The following RAB10 variants were observed in gnomAD, a reference collection of about 807,000 sequenced individuals.
The protein encoded by RAB10 is ras-related protein Rab-10.
In RAB10, 5 loss-of-function variants were observed where a neutral mutation model predicts 25.7. The observed-to-expected ratio is 0.19, with a 90% CI of 0.10 to 0.41. The LOEUF (loss-of-function observed/expected upper bound fraction) is 0.41. RAB10 is among the 10% of genes least tolerant of loss of function. RAB10 has a pLI of 1.00. For synonymous variants in RAB10, 89 were observed against 86.4 expected (o/e 1.03, Z -0.16); for missense variants, 103 against 245.8 (o/e 0.42, Z 3.89).
intron 1 of RAB10, among the ~76,000 whole-genome samples, chr2:26,068,121 A>AT (rs1666551114): frequency 6.6e-6 from 1 of 152,210 alleles, no homozygotes; most frequent in East Asian, 1.9e-4. Context: ...TACATGAGAT[A>AT]TGATTAGAAG....
intron 2 of RAB10, among the ~76,000 whole-genome samples, chr2:26,099,563 T>C (rs1299868663): frequency 9.2e-6 from 1 of 108,152 alleles, no homozygotes; most frequent in African/African-American, 3.7e-5. Flanking sequence ...TTTTTTGAGG[T>C]GGAGTCTCGC....
intron 1 of RAB10, among the ~76,000 whole-genome samples, chr2:26,038,321 T>C (rs1259323163): frequency 6.6e-6 from 1 of 151,330 alleles, no homozygotes; most frequent in Non-Finnish European, 1.5e-5. Flanking sequence ...CTCAGCCTCC[T>C]GAGTAGCTGG....
chr2:26,082,950 CA>C (rs1666899835), intron 1 of RAB10, among the ~76,000 whole-genome samples: 1 of 152,066 alleles, frequency 6.6e-6, no homozygotes, highest in African/African-American at 2.4e-5. Flanking sequence ...CATTTAAAAT[CA>C]AAGTAATTAG....
chr2:26,115,462 C>T (rs1667663667), intron 3 of RAB10, among the ~76,000 whole-genome samples: 1 of 152,108 alleles, frequency 6.6e-6, no homozygotes, highest in Admixed American at 6.5e-5. Context: ...ACCTTGAAAA[C>T]CTTATGAAAG....
intron 3 of RAB10, among the ~76,000 whole-genome samples, 160 bp downstream of exon 3, chr2:26,110,066 G>A (rs1667538922): frequency 6.6e-6 from 1 of 152,124 alleles, no homozygotes; most frequent in Admixed American, 6.6e-5. Context: ...GCCGGGCATG[G>A]TGGCTCATGC....
In RAB10 at chr2:26,136,557, C is replaced by T. The variant is rs986186440; in HGVS notation, c.*1536C>T. On this transcript the variant is annotated 3_prime_UTR_variant, in exon 6 of 6. Transcript: ENST00000264710. ...TTTCTAGTTTTGCTTCATTGCTTATCATTAGGATAGGGTAAGTGAAGTTTG... is the reference window on the plus strand; with the variant it reads ...TTTCTAGTTTTGCTTCATTGCTTATTATTAGGATAGGGTAAGTGAAGTTTG... 3.3e-5 allele frequency: 5 copies of T among 152,596 alleles called. No homozygotes were observed. Among genetic ancestry groups the T allele is most frequent in the South Asian group, 2.1e-4 (1 of 4,832 alleles). 9.5% of individuals were successfully genotyped at this position (152,596 alleles called of 1,614,324 possible).
chr2:26,041,103 A>G (rs1413919329), intron 1 of RAB10, among the ~76,000 whole-genome samples: 1 of 152,132 alleles, frequency 6.6e-6, no homozygotes, highest in African/African-American at 2.4e-5. Flanking sequence ...GTGCACCATA[A>G]ATAATGAATG....
chr2:26,131,379 A>T (rs147426798), intron 5 of RAB10, among the ~76,000 whole-genome samples: 1 of 152,188 alleles, frequency 6.6e-6, no homozygotes, highest in Non-Finnish European at 1.5e-5. Context: ...AACTTGGTCT[A>T]GAGTTTTCCC....
At chr2:26,126,128 G>A (rs1667898913) in intron 3 of RAB10, among the ~76,000 whole-genome samples, 1 of 152,106 alleles carries the variant, frequency 6.6e-6, no homozygotes, top group African/African-American at 2.4e-5. Context: ...TTTCCCTATT[G>A]ACTGATTTTG....
intron 1 of RAB10, among the ~76,000 whole-genome samples, chr2:26,045,141 A>G (rs976192011): frequency 2.0e-5 from 3 of 152,106 alleles, no homozygotes; most frequent in Admixed American, 1.3e-4. Flanking sequence ...ATTGTGGTGT[A>G]TAATGACGCA....
chr2:26,094,226 C>CTATTTCATTT (rs59268489), intron 1 of RAB10, among the ~76,000 whole-genome samples: 1 of 151,336 alleles, frequency 6.6e-6, no homozygotes, highest in Non-Finnish European at 1.5e-5. Context: ...CTTATTTCAT[C>CTATTTCATTT]CATTTCATTT....
chr2:26,067,668 A>G (rs1666541511), intron 1 of RAB10, among the ~76,000 whole-genome samples: 1 of 152,234 alleles, frequency 6.6e-6, no homozygotes, highest in Non-Finnish European at 1.5e-5. Flanking sequence ...GGGTTAAGAA[A>G]AGAGGCAGAC....
In RAB10 at chr2:26,034,485, C is replaced by G; in HGVS notation, c.-124C>G. The G allele has an allele frequency of 2.9e-6, 4 of 1,359,520 alleles. No individual in the cohort carries two copies. The highest frequency in any genetic ancestry group is 4.0e-6 in the Non-Finnish European group (4 of 1,001,372). 84.2% of individuals were successfully genotyped at this position (1,359,520 alleles called of 1,614,324 possible). A position where few individuals can be genotyped will look rare whatever the true frequency, so the allele number is the denominator to read the frequency against. ...TGTTCGTAGGTCGCCCGCGCCGTCT[C>G]GAGCCTTTTTCCCACGCTTCCCCGG... On this transcript the variant is annotated 5_prime_UTR_variant, in exon 1 of 6. Coordinates refer to ENST00000264710, the MANE Select transcript of RAB10 (RefSeq NM_016131.5).
chr2:26,045,867 T>C (rs1665991295), intron 1 of RAB10, among the ~76,000 whole-genome samples: 1 of 151,862 alleles, frequency 6.6e-6, no homozygotes, highest in Admixed American at 6.6e-5. Context: ...AACTTTATTT[T>C]ATATATAAAA....
In RAB10 at chr2:26,134,990, G is replaced by C; in HGVS notation, c.572G>C (p.Gly191Ala). 6.2e-7 allele frequency: 1 copy of C among 1,613,868 alleles called. No homozygotes were observed. The highest frequency in any genetic ancestry group is 8.5e-7 in the Non-Finnish European group (1 of 1,179,858). ...AATGTAGATATCAGCAGTGGAGGAGGCGTGACAGGCTGGAAGAGCAAATGC... is the reference window on the plus strand; with the variant it reads ...AATGTAGATATCAGCAGTGGAGGAGCCGTGACAGGCTGGAAGAGCAAATGC... ...SENVDISSGG[G>A]VTGWKSKCC The change falls in exon 6 of 6, where the codon GGC (glycine) becomes GCC (alanine). Residue 191 changes from glycine to alanine, a missense_variant. Physicochemically the swap from Gly to Ala is moderately conservative, Grantham distance 60. This residue lies in a region of RAB10 where 24 missense variants were observed against 28.0 expected (regional missense o/e 0.86). Coordinates refer to ENST00000264710, the MANE Select transcript of RAB10 (RefSeq NM_016131.5).
intron 1 of RAB10, among the ~76,000 whole-genome samples, chr2:26,062,361 C>T (rs902876404): frequency 6.6e-6 from 1 of 152,042 alleles, no homozygotes; most frequent in Non-Finnish European, 1.5e-5. Context: ...ACAGCCCATC[C>T]CCTCCTCCCC....
intron 3 of RAB10, among the ~76,000 whole-genome samples, chr2:26,118,386 A>G (rs1202255329): frequency 6.8e-6 from 1 of 146,398 alleles, no homozygotes; most frequent in Non-Finnish European, 1.5e-5. Flanking sequence ...AACACAGCCC[A>G]CTGTAGCCCA....
upstream of RAB10, chr2:26,034,047 G>T: frequency 2.5e-6 from 1 of 400,922 alleles, no homozygotes; most frequent in Non-Finnish European, 4.4e-6. Flanking sequence ...CGCAAGGCTA[G>T]GGCGTGAGGG....
intron 1 of RAB10, among the ~76,000 whole-genome samples, chr2:26,041,766 T>C (rs1665892590): frequency 2.0e-5 from 3 of 151,292 alleles, no homozygotes; most frequent in African/African-American, 2.4e-5. Context: ...TAGCTGGGCG[T>C]GGTGGCGCAT....
Sources: allele counts gnomAD v4.1 joint callset (sites outside exome capture counted in the v4.1 genomes callset), GRCh38; gene constraint gnomAD v4.1.1; regional missense constraint gnomAD v4.1.1; transcripts MANE v1.5; gene names NCBI Gene and HGNC (gene_info 2026-07-23, HGNC 2026-07-21).